The following KLHL5 variants were observed in gnomAD, a reference collection of about 807,000 sequenced individuals.
KLHL5 encodes kelch-like protein 5.
Under a neutral mutation model 77.7 loss-of-function variants are expected in KLHL5, and 48 were observed. That is an observed-to-expected ratio of 0.62 (90% CI 0.49 to 0.79). The LOEUF (loss-of-function observed/expected upper bound fraction) is 0.79. Ranked by LOEUF, KLHL5 falls within the 30% of genes least tolerant of loss-of-function variation. KLHL5 has a pLI of 0.00. For missense variants in KLHL5, 723 were observed against 859.7 expected, an observed-to-expected ratio of 0.84 and a Z score of 1.99; for synonymous variants, 260 against 297.0, an observed-to-expected ratio of 0.88 and a Z score of 1.28.
chr4:39,133,068 CTT>C, the KLHL5 span, among the ~76,000 whole-genome samples: 17 of 148,866 alleles, frequency 1.1e-4, no homozygotes, highest in South Asian at 1.2e-3. Flanking sequence ...AAAATAATAA[CTT>C]AATATTATAT....
At chr4:39,142,397 A>C in the KLHL5 span, among the ~76,000 whole-genome samples, 1 of 151,070 alleles carries the variant, frequency 6.6e-6, no homozygotes, top group Non-Finnish European at 1.5e-5. Flanking sequence ...TCTGTCTCAA[A>C]AAAAAAAAAA....
intron 8 of KLHL5, among the ~76,000 whole-genome samples, chr4:39,111,600 A>C (rs1204317812): frequency 1.3e-5 from 2 of 152,248 alleles, no homozygotes; most frequent in Non-Finnish European, 2.9e-5. Flanking sequence ...TCTGTGATCC[A>C]TACTTAGATA....
At chr4:39,141,601 G>A in the KLHL5 span, among the ~76,000 whole-genome samples, 3 of 151,974 alleles carry the variant, frequency 2.0e-5, no homozygotes, top group Non-Finnish European at 2.9e-5. Flanking sequence ...ATGAGCCACC[G>A]AGCCCGGCCT....
At chr4:39,131,972 A>G in the KLHL5 span, among the ~76,000 whole-genome samples, 2 of 152,186 alleles carry the variant, frequency 1.3e-5, no homozygotes, top group Admixed American at 1.3e-4. Context: ...CTTTTGCCCC[A>G]AGGGCATTTG....
upstream of KLHL5, among the ~76,000 whole-genome samples, chr4:39,061,325 A>G (rs1717400464): frequency 6.6e-6 from 1 of 152,170 alleles, no homozygotes; most frequent in Admixed American, 6.5e-5. Context: ...TGCCTTTTGT[A>G]TGGAATTAGT....
intron 5 of KLHL5, 72 bp from the exon 6 acceptor site, chr4:39,096,620 T>C (rs1721088815): frequency 9.7e-7 from 1 of 1,034,442 alleles, no homozygotes. Context: ...ATTTGAGAAC[T>C]ATGTCATTTT....
intron 4 of KLHL5, among the ~76,000 whole-genome samples, chr4:39,085,668 T>C (rs1719976014): frequency 6.6e-6 from 1 of 152,174 alleles, no homozygotes; most frequent in Non-Finnish European, 1.5e-5. Context: ...CCTAAGGGCA[T>C]TTTTATTTCC....
intron 1 of KLHL5, among the ~76,000 whole-genome samples, chr4:39,067,526 C>CTATT (rs148486359): frequency 0.016 from 2,473 of 152,202 alleles, 64 homozygotes; most frequent in African/African-American, 0.056. Context: ...ATACTTGTGA[C>CTATT]TAATCACAGA....
At chr4:39,127,793 C>A (rs1322683396), downstream of KLHL5, among the ~76,000 whole-genome samples, 3 of 152,064 alleles carry the variant, frequency 2.0e-5, no homozygotes, top group Admixed American at 6.6e-5. Context: ...GGAAAGAGGT[C>A]CCTGCTTAGT....
At chr4:39,136,533 G>A in the KLHL5 span, among the ~76,000 whole-genome samples, 3 of 152,180 alleles carry the variant, frequency 2.0e-5, no homozygotes, top group Non-Finnish European at 4.4e-5. Flanking sequence ...GGTGTCGAGA[G>A]GACTCATGGT....
At position 39,103,519 on chromosome 4, in the gene KLHL5, CA is replaced by C; in HGVS notation, c.1525+10del. ...CACATAGACATGGCCTTGGTAAGTA[CA>C]ACTATGCAGATTCACTCAAAATATC... On this transcript the variant is annotated intron_variant, in intron 7 of 10. Transcript: ENST00000504108. The C allele has an allele frequency of 1.2e-6, 2 of 1,603,530 alleles. No homozygotes were observed. The highest frequency in any genetic ancestry group is 1.1e-5 in the South Asian group (1 of 90,890).
chr4:39,116,654 G>A (rs1212798823), intron 10 of KLHL5, among the ~76,000 whole-genome samples: 4 of 120,330 alleles, frequency 3.3e-5, no homozygotes, highest in Non-Finnish European at 7.7e-5. Context: ...AATACGTATT[G>A]AAGTATGACT....
At chr4:39,100,745 A>C (rs1054742020) in intron 6 of KLHL5, among the ~76,000 whole-genome samples, 4 of 152,218 alleles carry the variant, frequency 2.6e-5, no homozygotes, top group Non-Finnish European at 5.9e-5. Context: ...TGCCTCATTT[A>C]AGACTTTCTC....
At position 39,062,732 on chromosome 4, in the gene KLHL5, C is replaced by T; in HGVS notation, c.80C>T (p.Ser27Phe). The T allele has an allele frequency of 6.2e-7, 1 of 1,614,188 alleles. No homozygotes were observed. The highest frequency in any genetic ancestry group is 8.5e-7 in the Non-Finnish European group (1 of 1,180,002). The change falls in exon 1 of 11, where the codon TCT becomes TTT. Residue 27 changes from serine (S) to phenylalanine (F), a missense_variant. Physicochemically the swap from Ser to Phe is radical, Grantham distance 155 (BLOSUM62 -2). Coordinates refer to ENST00000504108, the MANE Select transcript of KLHL5 (RefSeq NM_015990.5). ...RWRWFGHQAS[S>F]PNSTVDSQQG... ...AGGTGGTTTGGTCATCAAGCATCAT[C>T]TCCTAATTCTACAGTTGACAGCCAG...
At chr4:39,096,196 T>A (rs187618725) in intron 5 of KLHL5, among the ~76,000 whole-genome samples, 2,212 of 152,186 alleles carry the variant, frequency 0.015, 53 homozygotes, top group African/African-American at 0.051. Context: ...GATTTTAATG[T>A]TTTTAGACCA....
chr4:39,131,097 C>T (rs551424884), downstream of KLHL5, among the ~76,000 whole-genome samples: 2 of 151,048 alleles, frequency 1.3e-5, no homozygotes, highest in East Asian at 3.9e-4. Flanking sequence ...AAGAGATCTG[C>T]CTGCCTTGGC....
chr4:39,056,869 C>G (rs773482182), intron 1 of KLHL5, among the ~76,000 whole-genome samples: 2 of 152,220 alleles, frequency 1.3e-5, no homozygotes, highest in African/African-American at 2.4e-5. Context: ...TTTGCCACAG[C>G]CATCCTATAA....
chr4:39,112,652 T>C (rs183967200), intron 8 of KLHL5: 274 of 200,878 alleles, frequency 1.4e-3, no homozygotes, highest in Non-Finnish European at 1.0e-3. Context: ...AAGTCTTAAC[T>C]ATTAAAAAAA....
intron 1 of KLHL5, among the ~76,000 whole-genome samples, chr4:39,045,685 G>A (rs1052364773): frequency 6.6e-6 from 1 of 152,070 alleles, no homozygotes; most frequent in African/African-American, 2.4e-5. Context: ...GAAGCTGGCG[G>A]TAAAAGTTTG....
Sources: allele counts gnomAD v4.1 joint callset (sites outside exome capture counted in the v4.1 genomes callset), GRCh38; gene constraint gnomAD v4.1.1; transcripts MANE v1.5; gene names NCBI Gene and HGNC (gene_info 2026-07-23, HGNC 2026-07-21).